The following PDZRN4 variants were observed in gnomAD, a reference collection of about 807,000 sequenced individuals.
PDZRN4 encodes PDZ domain-containing RING finger protein 4.
A neutral mutation model predicts 99.0 loss-of-function variants in PDZRN4; 70 were observed. That is an observed-to-expected ratio of 0.71 (90% CI 0.58 to 0.86). The LOEUF (loss-of-function observed/expected upper bound fraction) is 0.86. PDZRN4 is among the 40% of genes least tolerant of loss of function. PDZRN4 has a pLI of 0.00. For missense variants in PDZRN4, 1,474 were observed against 1,331.2 expected, an observed-to-expected ratio of 1.11 and a Z score of -1.67; for synonymous variants, 551 against 501.6, an observed-to-expected ratio of 1.10 and a Z score of -1.32.
chr12:41,466,495 C>G (rs1161617749), intron 3 of PDZRN4, among the ~76,000 whole-genome samples: 1 of 152,130 alleles, frequency 6.6e-6, no homozygotes, highest in African/African-American at 2.4e-5. Flanking sequence ...AAAAGAGCCC[C>G]CTGTGCCTGC....
chr12:41,515,507 G>A (rs1938386572), intron 5 of PDZRN4, among the ~76,000 whole-genome samples: 1 of 152,018 alleles, frequency 6.6e-6, no homozygotes, highest in South Asian at 2.1e-4. Context: ...TGGATGAAGT[G>A]TGAAAATTTT....
chr12:41,364,724 A>G (rs1393848665), intron 3 of PDZRN4, among the ~76,000 whole-genome samples: 1 of 152,086 alleles, frequency 6.6e-6, no homozygotes, highest in Non-Finnish European at 1.5e-5. Flanking sequence ...CCTTGTCATC[A>G]GCTGGTCGAC....
At chr12:41,476,276 T>G (rs1233226182) in intron 3 of PDZRN4, among the ~76,000 whole-genome samples, 1 of 152,256 alleles carries the variant, frequency 6.6e-6, no homozygotes, top group Non-Finnish European at 1.5e-5. Flanking sequence ...CAAAATTGAC[T>G]GACACTACTC....
At position 41,573,143 on chromosome 12, in the gene PDZRN4, A is replaced by G. The variant is rs758995629; in HGVS notation, c.2364A>G (p.Lys788=). 70 of 1,614,014 alleles carry G rather than the reference A, an allele frequency of 4.3e-5. No individual in the cohort carries two copies. The highest frequency in any genetic ancestry group is 5.8e-5 in the Non-Finnish European group (69 of 1,180,010). The part of the protein sequence containing the change: ...ATQSSSGQSS[K]ESTSTKAKTT... ...AGTCCTCTTCCGGACAGAGCAGTAA[A>G]GAGTCGACCTCCACCAAAGCCAAAA... Residue 788 remains lysine, a synonymous_variant, in exon 10 of 10, where the codon AAA becomes AAG. Coordinates refer to ENST00000402685, the MANE Select transcript of PDZRN4 (RefSeq NM_001164595.2).
At chr12:41,369,558 C>T (rs1261326101) in intron 3 of PDZRN4, among the ~76,000 whole-genome samples, 1 of 151,906 alleles carries the variant, frequency 6.6e-6, no homozygotes, top group Non-Finnish European at 1.5e-5. Context: ...CTCCTTATGA[C>T]ATTAAGTCTT....
At chr12:41,567,755 T>C in intron 8 of PDZRN4, 28 bp from the exon 9 acceptor site, 1 of 1,423,894 alleles carries the variant, frequency 7.0e-7, no homozygotes, top group Non-Finnish European at 9.8e-7. Flanking sequence ...ACTAACATAA[T>C]ATAATGTACT....
intron 3 of PDZRN4, among the ~76,000 whole-genome samples, chr12:41,394,050 A>G (rs1005574969): frequency 6.6e-6 from 1 of 152,196 alleles, no homozygotes; most frequent in African/African-American, 2.4e-5. Flanking sequence ...TCTTGTTCAG[A>G]GGCTAGATGT....
chr12:41,400,240 G>A (rs962762262), intron 3 of PDZRN4, among the ~76,000 whole-genome samples: 1 of 152,140 alleles, frequency 6.6e-6, no homozygotes, highest in Non-Finnish European at 1.5e-5. Flanking sequence ...AACCACGGAT[G>A]AATTTTGTAA....
chr12:41,441,122 T>C (rs971255023), intron 3 of PDZRN4, among the ~76,000 whole-genome samples: 5 of 152,136 alleles, frequency 3.3e-5, no homozygotes, highest in African/African-American at 1.2e-4. Flanking sequence ...TGTCCAATAA[T>C]GTGTTAAAAT....
chr12:41,188,636 C>A lies in PDZRN4; in HGVS notation c.181C>A (p.Pro61Thr), dbSNP rs1473458484. The A allele has an allele frequency of 1.3e-6, 2 of 1,540,824 alleles. No homozygotes were observed. The highest frequency in any genetic ancestry group is 2.7e-5 in the African/African-American group (2 of 73,272). Residue 61 changes from proline to threonine, a missense_variant, in exon 1 of 10, where the codon CCC (proline) becomes ACC (threonine). Pro to Thr is a conservative substitution (Grantham distance 38). Coordinates refer to ENST00000402685, the MANE Select transcript of PDZRN4 (RefSeq NM_001164595.2). ...RCPLQCQPLA[P>T]GELYRVLPLR... ...CCCGCTGCAGTGCCAGCCCTTGGCGCCCGGCGAGCTGTACCGGGTGCTGCC... is the reference window on the plus strand; with the variant it reads ...CCCGCTGCAGTGCCAGCCCTTGGCGACCGGCGAGCTGTACCGGGTGCTGCC...
intron 3 of PDZRN4, among the ~76,000 whole-genome samples, chr12:41,368,055 G>A (rs1057145236): frequency 6.6e-6 from 1 of 151,918 alleles, no homozygotes; most frequent in Non-Finnish European, 1.5e-5. Context: ...AATTAGCAGG[G>A]CACTTGGCTT....
chr12:41,253,602 C>T (rs1951185743), intron 3 of PDZRN4, among the ~76,000 whole-genome samples: 2 of 152,128 alleles, frequency 1.3e-5, no homozygotes, highest in Non-Finnish European at 2.9e-5. Flanking sequence ...AAAACTAAAA[C>T]TAAAACTTCC....
At chr12:41,189,961 C>G (rs1950725758) in intron 1 of PDZRN4, among the ~76,000 whole-genome samples, 1 of 152,186 alleles carries the variant, frequency 6.6e-6, no homozygotes, top group Non-Finnish European at 1.5e-5. Context: ...AATAAACAAG[C>G]CTCTTTGCAG....
At chr12:41,191,423 T>A (rs367937401) in intron 1 of PDZRN4, 35 bp from the exon 2 acceptor site, 432 of 1,011,542 alleles carry the variant, frequency 4.3e-4, no homozygotes, top group Admixed American at 7.2e-4. Context: ...TTTATATTTT[T>A]ACCTGGTTAA....
At chr12:41,250,962 T>C (rs1951165902) in intron 3 of PDZRN4, among the ~76,000 whole-genome samples, 2 of 152,370 alleles carry the variant, frequency 1.3e-5, no homozygotes, top group Middle Eastern at 3.4e-3. Flanking sequence ...TTACTTTGAC[T>C]GGACCACAGC....
At chr12:41,520,027 C>T (rs1164543984) in intron 5 of PDZRN4, among the ~76,000 whole-genome samples, 5 of 152,038 alleles carry the variant, frequency 3.3e-5, no homozygotes, top group Admixed American at 1.3e-4. Flanking sequence ...CCAGGGATGA[C>T]GTTTTCTTGG....
intron 7 of PDZRN4, among the ~76,000 whole-genome samples, chr12:41,558,469 T>A (rs1939207053): frequency 6.6e-6 from 1 of 152,152 alleles, no homozygotes. Context: ...CCCTCTTCCC[T>A]AGGCTAGATA....
intron 3 of PDZRN4, among the ~76,000 whole-genome samples, chr12:41,491,395 C>A (rs1937883497): frequency 6.6e-6 from 1 of 151,826 alleles, no homozygotes. Flanking sequence ...GGTGGTGCAC[C>A]CCTGCAGACC....
At chr12:41,482,737 A>T (rs1937696700) in intron 3 of PDZRN4, among the ~76,000 whole-genome samples, 1 of 152,120 alleles carries the variant, frequency 6.6e-6, no homozygotes, top group African/African-American at 2.4e-5. Context: ...TCAGAGAAGA[A>T]CATTTTAATG....
Sources: gnomAD v4.1 joint callset for allele counts (sites outside exome capture counted in the v4.1 genomes callset) on GRCh38, gnomAD v4.1.1 for gene constraint, MANE v1.5 for transcripts, NCBI Gene and HGNC (gene_info 2026-07-23, HGNC 2026-07-21) for gene names.